PCDHA3: variants seen among roughly 807,000 people sequenced by gnomAD.
The protein encoded by PCDHA3 is protocadherin alpha-3.
Under a neutral mutation model 62.2 loss-of-function variants are expected in PCDHA3, and 41 were observed. The observed-to-expected ratio is 0.66, with a 90% CI of 0.51 to 0.86. The LOEUF (loss-of-function observed/expected upper bound fraction) is 0.86. Among genes scored for constraint, PCDHA3 ranks in the 40% least tolerant of loss-of-function variants. The pLI is 0.00. For missense variants in PCDHA3, 1,304 were observed against 1,241.2 expected (o/e 1.05, Z -0.76); for synonymous variants, 640 against 555.4 (o/e 1.15, Z -2.14).
At chr5:140,872,812 C>G (rs1233699706) in intron 1 of PCDHA3, among the ~76,000 whole-genome samples, 2 of 152,144 alleles carry the variant, frequency 1.3e-5, no homozygotes, top group African/African-American at 4.8e-5. Context: ...ATAAGTTTTT[C>G]AGATTCATCT....
chr5:140,915,957 T>G (rs1476969057), intron 1 of PCDHA3, among the ~76,000 whole-genome samples: 4 of 151,934 alleles, frequency 2.6e-5, no homozygotes, highest in African/African-American at 4.8e-5. Flanking sequence ...TACTTAGAAA[T>G]TTGCCTGATA....
chr5:140,841,166 TG>T, intron 1 of PCDHA3: 1 of 946,216 alleles, frequency 1.1e-6, no homozygotes, highest in Non-Finnish European at 1.6e-6. Context: ...CAAGAAGTTC[TG>T]GTTGGTCAAT....
chr5:140,814,689 T>C (rs1554126575), intron 1 of PCDHA3: 1 of 152,206 alleles, frequency 6.6e-6, no homozygotes, highest in Non-Finnish European at 1.5e-5. Context: ...TACAACATTA[T>C]GACTGCTACA....
intron 1 of PCDHA3, chr5:140,848,738 T>G (rs2150419097): frequency 6.3e-7 from 1 of 1,592,918 alleles, no homozygotes; most frequent in South Asian, 1.1e-5. Context: ...ATCTGCAGAA[T>G]GGCATTTTGT....
chr5:140,956,132 C>T (rs782171826), intron 1 of PCDHA3, among the ~76,000 whole-genome samples: 1 of 152,028 alleles, frequency 6.6e-6, no homozygotes, highest in African/African-American at 2.4e-5. Context: ...ATTTGAATAC[C>T]CTTTATTTCT....
rs1763519362 is a variant in PCDHA3, at chr5:140,805,159, A to G, written c.2394+1568A>G. 3 of 1,552,538 alleles carry G rather than the reference A, an allele frequency of 1.9e-6. No individual in the cohort carries two copies. The African/African-American group carries it at 4.1e-5, about 21-fold the overall frequency. On this transcript the variant is annotated intron_variant, in intron 1 of 3. Transcript: ENST00000522353. ...TTGAAGACTTTGGAATTTTCACTTC[A>G]CAGATGTACTGATGCTATGCCAAAT...
chr5:140,939,562 G>C (rs1584985766), intron 1 of PCDHA3, among the ~76,000 whole-genome samples: 1 of 152,158 alleles, frequency 6.6e-6, no homozygotes, highest in Middle Eastern at 3.4e-3. Flanking sequence ...TATTAGTTTG[G>C]TTAATCAAAA....
chr5:140,966,707 A>C, intron 1 of PCDHA3: 1 of 1,379,868 alleles, frequency 7.2e-7, no homozygotes, highest in Non-Finnish European at 9.3e-7. Context: ...GGCGTGGGGC[A>C]CGGCTGGGGA....
intron 3 of PCDHA3, among the ~76,000 whole-genome samples, chr5:140,996,540 T>C (rs2097730922): frequency 1.3e-5 from 2 of 152,218 alleles, no homozygotes. Flanking sequence ...TGTTTTGATA[T>C]TATGCTGTCA....
chr5:140,889,077 T>G (rs1476404733), intron 1 of PCDHA3, among the ~76,000 whole-genome samples: 1 of 152,076 alleles, frequency 6.6e-6, no homozygotes, highest in Non-Finnish European at 1.5e-5. Flanking sequence ...CTTATTTTGT[T>G]AAATTTTCAA....
At chr5:140,926,618 G>T in intron 1 of PCDHA3, 1 of 382,578 alleles carries the variant, frequency 2.6e-6, no homozygotes, top group Non-Finnish European at 4.6e-6. Flanking sequence ...TGCACCCCTA[G>T]GCGGCGCTGC....
intron 1 of PCDHA3, among the ~76,000 whole-genome samples, chr5:140,938,848 G>T (rs1554212426): frequency 6.6e-6 from 1 of 151,980 alleles, no homozygotes; most frequent in Non-Finnish European, 1.5e-5. Flanking sequence ...ACCTGCCCAT[G>T]TACCCCTGAA....
intron 1 of PCDHA3, chr5:140,842,063 G>C (rs1213934072): frequency 1.2e-6 from 2 of 1,613,830 alleles, no homozygotes; most frequent in African/African-American, 1.3e-5. Flanking sequence ...GTCTGAATAC[G>C]AAGTAAGAAT....
chr5:140,941,198 T>TC (rs1563184066), intron 1 of PCDHA3, among the ~76,000 whole-genome samples: 3 of 119,812 alleles, frequency 2.5e-5, no homozygotes, highest in African/African-American at 1.0e-4. Flanking sequence ...TTTTTTTCTT[T>TC]CTTCCTTTCT....
At chr5:140,873,665 A>G (rs1554166831) in intron 1 of PCDHA3, among the ~76,000 whole-genome samples, 1 of 152,034 alleles carries the variant, frequency 6.6e-6, no homozygotes. Flanking sequence ...CACTATTATT[A>G]TTTGTTTCTT....
rs782133260 is a variant in PCDHA3 at position 140,856,504 on chromosome 5, A to G, written c.2394+52913A>G. 3.8e-6 allele frequency: 6 copies of G among 1,598,348 alleles called. 1 individual carries two copies. The highest frequency in any genetic ancestry group is 8.6e-7 in the Non-Finnish European group (1 of 1,167,852). ...CCAGACTGCTTGACTCTCGATTTCC[A>G]CTAGAAGGCGCATCTGATGCGGATG... On this transcript the variant is annotated intron_variant, in intron 1 of 3. Transcript: ENST00000522353.
At chr5:140,989,437 A>G (rs1330784508) in intron 3 of PCDHA3, among the ~76,000 whole-genome samples, 1 of 152,138 alleles carries the variant, frequency 6.6e-6, no homozygotes, top group East Asian at 1.9e-4. Flanking sequence ...AAAATTGCTG[A>G]GGTTGTTTAG....
At chr5:140,871,024 T>A (rs782482530) in intron 1 of PCDHA3, 2 of 1,613,076 alleles carry the variant, frequency 1.2e-6, no homozygotes, top group African/African-American at 1.3e-5. Flanking sequence ...CGAGGCAGAC[T>A]CGCCGCGCCA....
intron 3 of PCDHA3, among the ~76,000 whole-genome samples, chr5:140,996,834 A>G (rs527764387): frequency 1.7e-4 from 26 of 152,374 alleles, no homozygotes; most frequent in Middle Eastern, 3.4e-3. Flanking sequence ...CCAATAATTT[A>G]GCGTGCATCT....
Sources: gnomAD v4.1 joint callset for allele counts (sites outside exome capture counted in the v4.1 genomes callset) on GRCh38, gnomAD v4.1.1 for gene constraint, MANE v1.5 for transcripts, NCBI Gene and HGNC (gene_info 2026-07-23, HGNC 2026-07-21) for gene names.